Variants in CACNA1C observed in about 807,000 individuals in gnomAD.
CACNA1C encodes voltage-dependent L-type calcium channel subunit alpha-1C.
Under a neutral mutation model 229.0 loss-of-function variants are expected in CACNA1C, and 30 were observed. That is an observed-to-expected ratio of 0.13 (90% CI 0.10 to 0.18). The LOEUF is 0.18. Ranked by LOEUF, CACNA1C falls within the 10% of genes least tolerant of loss-of-function variation. The pLI, the probability that CACNA1C is intolerant of heterozygous loss-of-function variation, is 1.00. For missense variants in CACNA1C, 1,658 were observed against 2,845.0 expected (o/e 0.58, Z 9.49); for synonymous variants, 1,114 against 1,132.5 (o/e 0.98, Z 0.33).
At chr12:2,052,828 G>C (rs1451972477), upstream of CACNA1C, among the ~76,000 whole-genome samples, 1 of 144,474 alleles carries the variant, frequency 6.9e-6, no homozygotes, top group East Asian at 2.0e-4. Flanking sequence ...CGCGCCGTGC[G>C]CCCGGCTCCC....
At position 2,467,029 on chromosome 12, in the gene CACNA1C, T is replaced by TA. The variant is rs2099556153; in HGVS notation, c.757+9324dup. Among the ~76,000 whole-genome samples the TA allele has an allele frequency of 6.6e-6, 1 of 152,184 alleles. No homozygotes were observed. Among genetic ancestry groups the TA allele is most frequent in the Admixed American group, 6.5e-5 (1 of 15,290 alleles). On this transcript the variant is annotated intron_variant, in intron 5 of 46. Transcript: ENST00000399655. This position sits in a 1 kb window ranked among gnomAD's most constrained non-coding sequence, Gnocchi z 4.6. ...CCCTTAAACAACATGAGGGGACACT[T>TA]ACAAAGCTACTTATGAGGACAGGGG...
intron 3 of CACNA1C, among the ~76,000 whole-genome samples, chr12:2,174,571 G>C (rs1161945428): frequency 6.6e-6 from 1 of 151,710 alleles, no homozygotes; most frequent in African/African-American, 2.4e-5. Context: ...TTCTTTTCTG[G>C]GATGTTTGGA....
intron 3 of CACNA1C, among the ~76,000 whole-genome samples, chr12:2,437,552 C>T (rs2099146691): frequency 6.6e-6 from 1 of 152,176 alleles, no homozygotes; most frequent in Non-Finnish European, 1.5e-5. Flanking sequence ...TAGTTTTTAC[C>T]CATCATGCAG....
intron 18 of CACNA1C, among the ~76,000 whole-genome samples, chr12:2,591,472 C>T (rs927310883): frequency 2.0e-5 from 3 of 152,142 alleles, no homozygotes; most frequent in Non-Finnish European, 4.4e-5. Flanking sequence ...GGAGAAGGGA[C>T]AGACATTTAA....
At chr12:2,645,415 G>A (rs1023491395) in intron 30 of CACNA1C, among the ~76,000 whole-genome samples, 1 of 152,186 alleles carries the variant, frequency 6.6e-6, no homozygotes, top group Non-Finnish European at 1.5e-5. Flanking sequence ...ACATCCAAAG[G>A]TAGAACTGAT....
In CACNA1C at chr12:2,488,840, G is replaced by A. The variant is rs1484126016; in HGVS notation, c.916+2578G>A. Among the ~76,000 whole-genome samples, 1 of 152,222 alleles carries A rather than the reference G, an allele frequency of 6.6e-6. No homozygotes were observed. Among genetic ancestry groups the A allele is most frequent in the Non-Finnish European group, 1.5e-5 (1 of 68,046 alleles). On this transcript the variant is annotated intron_variant, in intron 6 of 46. Transcript: ENST00000399655. The surrounding 1 kb of genome is among the most constrained non-coding windows in gnomAD (Gnocchi z 4.0). Reference sequence around the variant, plus strand: ...TCAAATACTCTGCAATCAGGAGCTTGCTGTCCCTTCGTTCCCAAACCTGCC... The same window carrying A: ...TCAAATACTCTGCAATCAGGAGCTTACTGTCCCTTCGTTCCCAAACCTGCC...
At chr12:2,574,334 G>A (rs1466728977) in intron 13 of CACNA1C, among the ~76,000 whole-genome samples, 1 of 152,186 alleles carries the variant, frequency 6.6e-6, no homozygotes, top group Non-Finnish European at 1.5e-5. Context: ...AGCCCAGTCT[G>A]ACATATTCTG....
chr12:2,648,609 GCT>G (rs1405756570), intron 31 of CACNA1C, 102 bp downstream of exon 31: 1 of 984,784 alleles, frequency 1.0e-6, no homozygotes, highest in Non-Finnish European at 1.6e-6. Flanking sequence ...GCCCTGCCTG[GCT>G]CTCACTGCAT....
Position 2,090,842 on chromosome 12 carries a change from T to C in CACNA1C, c.50-24382T>C, listed in dbSNP as rs186810268. Among the ~76,000 whole-genome samples, 362 of 152,242 alleles carry C rather than the reference T, an allele frequency of 2.4e-3. 1 individual carries two copies. The highest frequency in any genetic ancestry group is 4.2e-3 in the Non-Finnish European group (286 of 68,002). On this transcript the variant is annotated intron_variant, in intron 1 of 46. Coordinates refer to ENST00000399655, the MANE Select transcript of CACNA1C (RefSeq NM_000719.7). ...CAGTTTTCCACGGTGGCTGCTCCATTTTACTTTCCCGCCAACAGTGCTTAA... is the reference window on the plus strand; with the variant it reads ...CAGTTTTCCACGGTGGCTGCTCCATCTTACTTTCCCGCCAACAGTGCTTAA...
At chr12:2,286,455 C>T (rs868251233) in intron 3 of CACNA1C, among the ~76,000 whole-genome samples, 8 of 152,338 alleles carry the variant, frequency 5.3e-5, no homozygotes, top group Middle Eastern at 3.4e-3. Context: ...TGTCTACAGG[C>T]TCTGCACAGT....
At chr12:2,144,733 T>A (rs2094559163) in intron 3 of CACNA1C, among the ~76,000 whole-genome samples, 1 of 151,462 alleles carries the variant, frequency 6.6e-6, no homozygotes, top group Non-Finnish European at 1.5e-5. Context: ...ACATTTGTCT[T>A]AAATTATGAT....
intron 18 of CACNA1C, among the ~76,000 whole-genome samples, chr12:2,586,296 C>T (rs1408023377): frequency 4.6e-5 from 7 of 152,170 alleles, no homozygotes; most frequent in Non-Finnish European, 8.8e-5. Context: ...TGCCCCTACT[C>T]AGGAGGCAGT....
intron 1 of CACNA1C, among the ~76,000 whole-genome samples, chr12:2,110,394 CTCAGGGCCTTGT>C (rs1332236346): frequency 6.6e-6 from 1 of 152,220 alleles, no homozygotes; most frequent in Admixed American, 6.5e-5. Context: ...GAGGCAGCTG[CTCAGGGCCTTGT>C]TCAGGGGTGG....
intron 1 of CACNA1C, among the ~76,000 whole-genome samples, chr12:2,000,978 A>T (rs1565884513): frequency 6.6e-6 from 1 of 151,838 alleles, no homozygotes; most frequent in Non-Finnish European, 1.5e-5. Context: ...CAGAGGTTGC[A>T]GTGAGCCATG....
At chr12:2,180,641 C>T (rs1458123175) in intron 3 of CACNA1C, among the ~76,000 whole-genome samples, 1 of 152,194 alleles carries the variant, frequency 6.6e-6, no homozygotes, top group Non-Finnish European at 1.5e-5. Flanking sequence ...CGTTCTAGAA[C>T]ATTTTTGCTG....
At chr12:2,251,237 C>T (rs1329278485) in intron 3 of CACNA1C, among the ~76,000 whole-genome samples, 3 of 152,090 alleles carry the variant, frequency 2.0e-5, no homozygotes, top group Non-Finnish European at 4.4e-5. Flanking sequence ...GGGTGAAGGG[C>T]AAAGGGAAGC....
chr12:2,541,027 G>T (rs980887516), intron 9 of CACNA1C, among the ~76,000 whole-genome samples: 1 of 152,152 alleles, frequency 6.6e-6, no homozygotes, highest in Admixed American at 6.5e-5. Flanking sequence ...TGGCTGTCTT[G>T]TCTCTGAGTC....
At position 2,677,291 on chromosome 12, in the gene CACNA1C, C is replaced by T. The variant is rs1000755934; in HGVS notation, c.4956+70C>T. On this transcript the variant is annotated intron_variant, in intron 40 of 46. Coordinates refer to ENST00000399655, the MANE Select transcript of CACNA1C (RefSeq NM_000719.7). The surrounding 1 kb of genome is among the most constrained non-coding windows in gnomAD (Gnocchi z 7.4). Reference sequence around the variant, plus strand: ...ATTGCCTCTGACCTCCAGTCAGGGTCCCGGTCCCTCCCCAGCAGGCTGGAG... The same window carrying T: ...ATTGCCTCTGACCTCCAGTCAGGGTTCCGGTCCCTCCCCAGCAGGCTGGAG... 6.5e-7 allele frequency: 1 copy of T among 1,535,072 alleles called. No homozygotes were observed. Among genetic ancestry groups the T allele is most frequent in the Non-Finnish European group, 8.8e-7 (1 of 1,130,340 alleles).
intron 3 of CACNA1C, among the ~76,000 whole-genome samples, chr12:2,244,640 T>C (rs535861464): frequency 1.3e-5 from 2 of 152,302 alleles, no homozygotes; most frequent in Admixed American, 6.5e-5. Context: ...AGGTCAGTCC[T>C]ATAAGCACCT....
Sources: allele counts gnomAD v4.1 joint callset (sites outside exome capture counted in the v4.1 genomes callset), GRCh38; gene constraint gnomAD v4.1.1; non-coding constraint Gnocchi (gnomAD v3.1); transcripts MANE v1.5; gene names NCBI Gene and HGNC (gene_info 2026-07-23, HGNC 2026-07-21).